Variants in LRRC28 observed in about 807,000 individuals in gnomAD.
LRRC28 encodes leucine rich repeat containing 28.
In LRRC28, 39 loss-of-function variants were observed where a neutral mutation model predicts 45.7. That is an observed-to-expected ratio of 0.85 (90% CI 0.66 to 1.12). LRRC28 has a LOEUF of 1.12. LRRC28 is among the 50% of genes most tolerant of loss of function. The probability of loss-of-function intolerance (pLI) is 0.00; values close to 1 mark genes in which losing one functional copy is unlikely to be tolerated. For missense variants in LRRC28, 435 were observed against 438.5 expected, an observed-to-expected ratio of 0.99 and a Z score of 0.07; for synonymous variants, 206 against 178.8, an observed-to-expected ratio of 1.15 and a Z score of -1.22.
intron 5 of LRRC28, among the ~76,000 whole-genome samples, chr15:99,291,928 A>G (rs1370731501): frequency 6.6e-6 from 1 of 152,136 alleles, no homozygotes; most frequent in Non-Finnish European, 1.5e-5. Context: ...CTCTTGACTG[A>G]TGTTATTTAG....
intron 2 of LRRC28, among the ~76,000 whole-genome samples, chr15:99,262,652 G>T (rs1463656505): frequency 6.6e-6 from 1 of 151,994 alleles, no homozygotes; most frequent in Non-Finnish European, 1.5e-5. Flanking sequence ...AAAACTTTTT[G>T]TTTTGTTTTG....
intron 5 of LRRC28, chr15:99,320,822 C>T (rs1233240645): frequency 6.6e-6 from 1 of 152,176 alleles, no homozygotes; most frequent in African/African-American, 2.4e-5. Context: ...TAAACAAATA[C>T]ACCCAGATTC....
intron 2 of LRRC28, among the ~76,000 whole-genome samples, chr15:99,260,306 TC>T (rs2081159359): frequency 1.3e-5 from 2 of 152,332 alleles, no homozygotes; most frequent in African/African-American, 4.8e-5. Context: ...AAACTTCTGG[TC>T]TTGTGGTAGT....
At chr15:99,258,462 A>G (rs1036199120) in intron 2 of LRRC28, 6 of 819,378 alleles carry the variant, frequency 7.3e-6, no homozygotes, top group African/African-American at 1.7e-5. Context: ...CTATTTATGT[A>G]TGGAGCAGCA....
Position 99,361,371 on chromosome 15 carries a change from T to A in LRRC28, c.731T>A (p.Leu244Gln). Residue 244 changes from leucine to glutamine, a missense_variant, in exon 8 of 10, where the codon CTG becomes CAG. Physicochemically the swap from Leu to Gln is moderately radical, Grantham distance 113 (BLOSUM62 -2). Transcript: ENST00000301981. ...CCCATTCAAGTTTCCGAGGTGAAGC[T>A]GCTTTCCTTTTCATCAGGGCAGCGA... ...GAPIQVSEVK[L>Q]LSFSSGQRTV... is the part of the protein sequence containing the mutation. 2 of 1,613,810 alleles carry A rather than the reference T, an allele frequency of 1.2e-6. No individual in the cohort carries two copies. The highest frequency in any genetic ancestry group is 1.7e-6 in the Non-Finnish European group (2 of 1,179,906).
intron 2 of LRRC28, among the ~76,000 whole-genome samples, chr15:99,267,268 A>G (rs1259182215): frequency 1.3e-5 from 2 of 152,092 alleles, no homozygotes; most frequent in African/African-American, 4.8e-5. Context: ...TATATCCGCC[A>G]CCCCCTCCTT....
chr15:99,311,019 TG>T, intron 5 of LRRC28, among the ~76,000 whole-genome samples: 1 of 152,312 alleles, frequency 6.6e-6, no homozygotes, highest in Non-Finnish European at 1.5e-5. Context: ...TGGCCCTGTG[TG>T]GGTCATGGTG....
At chr15:99,363,507 A>C in intron 9 of LRRC28, 7 of 300,406 alleles carry the variant, frequency 2.3e-5, no homozygotes, top group Non-Finnish European at 3.7e-5. Flanking sequence ...AGAGGAGCTC[A>C]TTCTTTGTGA....
chr15:99,362,278 A>C lies in LRRC28; in HGVS notation c.871+767A>C, dbSNP rs1405390495. Among the ~76,000 whole-genome samples, 3 of 152,266 alleles carry C rather than the reference A, an allele frequency of 2.0e-5. No homozygotes were observed. The East Asian group carries it at 5.8e-4, about 29-fold the overall frequency. On this transcript the variant is annotated intron_variant, in intron 8 of 9. Transcript: ENST00000301981. ...GTTAAGTTGGTTTTAAAAGCTAAAC[A>C]GAAAATTATAGTTGTTCACCAATCA...
chr15:99,383,340 G>A (rs1180470430), intron 9 of LRRC28, among the ~76,000 whole-genome samples: 2 of 152,194 alleles, frequency 1.3e-5, no homozygotes, highest in African/African-American at 2.4e-5. Flanking sequence ...TGTTCCTCAA[G>A]TCCCACTGTC....
At chr15:99,285,430 T>G in intron 3 of LRRC28, 4 of 779,640 alleles carry the variant, frequency 5.1e-6, no homozygotes, top group Non-Finnish European at 9.2e-6. Context: ...GTGCTTGGTG[T>G]TGGGATCTCC....
intron 5 of LRRC28, among the ~76,000 whole-genome samples, chr15:99,313,767 A>T (rs1308890336): frequency 6.6e-6 from 1 of 151,470 alleles, no homozygotes; most frequent in Admixed American, 6.6e-5. Flanking sequence ...TCTTTTCCTT[A>T]TGGATTTTGC....
chr15:99,369,876 G>A (rs1050817759), intron 9 of LRRC28, among the ~76,000 whole-genome samples: 2 of 152,164 alleles, frequency 1.3e-5, no homozygotes, highest in African/African-American at 4.8e-5. Context: ...TAGCCATAAC[G>A]GGTAGTACAG....
chr15:99,353,529 G>A (rs997062509), intron 7 of LRRC28: 16 of 152,318 alleles, frequency 1.1e-4, no homozygotes, highest in African/African-American at 3.4e-4. Flanking sequence ...CTTCTGTGAA[G>A]CAAAGATAAT....
intron 9 of LRRC28, among the ~76,000 whole-genome samples, chr15:99,378,827 TATG>T (rs1330852717): frequency 6.6e-6 from 1 of 152,232 alleles, no homozygotes; most frequent in Non-Finnish European, 1.5e-5. Context: ...GTTCTGTTTA[TATG>T]ATGGATTACA....
rs180868036 is a variant in LRRC28 at position 99,313,848 on chromosome 15, A to G, written c.386-20075A>G. On this transcript the variant is annotated intron_variant, in intron 5 of 9. Transcript: ENST00000301981. ...TTGAGGGTGCTCTCTCTGGTAGCCA[A>G]GCTTTTGGTTTCCTTAGCCCTGTTT... is the stretch of plus-strand genomic sequence containing the variant. Among the ~76,000 whole-genome samples, 19 of 152,202 alleles carry G rather than the reference A, an allele frequency of 1.2e-4. No individual in the cohort carries two copies. In the East Asian group the frequency reaches 3.5e-3, roughly 28 times the overall value.
At chr15:99,345,995 T>A (rs1373668408) in intron 6 of LRRC28, among the ~76,000 whole-genome samples, 1 of 152,168 alleles carries the variant, frequency 6.6e-6, no homozygotes, top group Non-Finnish European at 1.5e-5. Context: ...CTTTTTATTT[T>A]TTTTTTAGCA....
chr15:99,258,818 G>A, intron 2 of LRRC28: 1 of 697,178 alleles, frequency 1.4e-6, no homozygotes. Context: ...TGATGAATAT[G>A]GATCTAAAAA....
At chr15:99,364,199 A>G (rs1284723333) in intron 9 of LRRC28, among the ~76,000 whole-genome samples, 1 of 152,148 alleles carries the variant, frequency 6.6e-6, no homozygotes, top group East Asian at 1.9e-4. Flanking sequence ...TGTTGTGAGA[A>G]CGTGGGCAGG....
Sources: allele counts gnomAD v4.1 joint callset (sites outside exome capture counted in the v4.1 genomes callset), GRCh38; gene constraint gnomAD v4.1.1; transcripts MANE v1.5; gene names NCBI Gene and HGNC (gene_info 2026-07-23, HGNC 2026-07-21).